The following PRKG2 variants were observed in gnomAD, a reference collection of about 807,000 sequenced individuals.
PRKG2 encodes the protein cGMP-dependent protein kinase 2.
PRKG2 carries 33 observed loss-of-function variants against 97.2 expected under a neutral mutation model. That is an observed-to-expected ratio of 0.34 (90% CI 0.26 to 0.45). PRKG2 has a LOEUF of 0.45. Ranked by LOEUF, PRKG2 falls within the 20% of genes least tolerant of loss-of-function variation. The pLI is 1.00. For synonymous variants in PRKG2, 330 were observed against 321.8 expected (o/e 1.03, Z -0.27); for missense variants, 638 against 900.0 (o/e 0.71, Z 3.73).
intron 18 of PRKG2, among the ~76,000 whole-genome samples, chr4:81,091,830 C>T (rs757509714): frequency 1.3e-5 from 2 of 152,152 alleles, no homozygotes; most frequent in Admixed American, 1.3e-4. Flanking sequence ...TATCCAATAA[C>T]AAAACCATTA....
chr4:81,089,739 T>C lies in PRKG2; in HGVS notation c.2258A>G (p.Asp753Gly). 2 of 1,613,058 alleles carry C rather than the reference T, an allele frequency of 1.2e-6. No homozygotes were observed. Among genetic ancestry groups the C allele is most frequent in the Non-Finnish European group, 1.7e-6 (2 of 1,179,014 alleles). Residue 753 changes from aspartate (D) to glycine (G), a missense_variant, in exon 19 of 19, where the codon GAT (aspartate) becomes GGT (glycine). This residue lies in a region of PRKG2 where 304 missense variants were observed against 460.5 expected (regional missense o/e 0.66). Transcript: ENST00000264399. ...GTCTTTATCCCAGCCTGATAGCTCA[T>C]CTGGAGGCATTCCCTTTTCAGGAGG... is the stretch of plus-strand genomic sequence containing the variant. ...KYPPEKGMPPDELSGWDKDF is the reference protein window; with the variant it reads ...KYPPEKGMPPGELSGWDKDF
intron 6 of PRKG2, among the ~76,000 whole-genome samples, chr4:81,157,935 T>A (rs1216812023): frequency 6.8e-6 from 1 of 147,508 alleles, no homozygotes; most frequent in East Asian, 1.9e-4. Context: ...TATCTCAAAA[T>A]AATAAGAGCT....
At chr4:81,215,503 G>C (rs1056898158), upstream of PRKG2, among the ~76,000 whole-genome samples, 1 of 152,082 alleles carries the variant, frequency 6.6e-6, no homozygotes, top group African/African-American at 2.4e-5. Context: ...GGGACGAGGG[G>C]AGAGGAAAGT....
At chr4:81,187,261 A>G (rs1019230549) in intron 2 of PRKG2, among the ~76,000 whole-genome samples, 1 of 152,262 alleles carries the variant, frequency 6.6e-6, no homozygotes, top group Non-Finnish European at 1.5e-5. Flanking sequence ...GCAGCACATC[A>G]AAAAGCTTAT....
At chr4:81,195,800 G>A (rs1327506520) in intron 2 of PRKG2, among the ~76,000 whole-genome samples, 1 of 152,076 alleles carries the variant, frequency 6.6e-6, no homozygotes, top group African/African-American at 2.4e-5. Context: ...TCTGCTTTTT[G>A]GCTACTATGA....
intron 7 of PRKG2, 130 bp downstream of exon 7, chr4:81,153,514 C>A: frequency 1.5e-6 from 1 of 660,730 alleles, no homozygotes; most frequent in Non-Finnish European, 2.5e-6. Flanking sequence ...TTGCATGGGA[C>A]TCTACTGGTA....
chr4:81,206,822 G>C (rs1484623976), intron 1 of PRKG2, among the ~76,000 whole-genome samples: 1 of 152,204 alleles, frequency 6.6e-6, no homozygotes, highest in Non-Finnish European at 1.5e-5. Context: ...ACAGCATCTA[G>C]ATTTCAAACA....
intron 8 of PRKG2, among the ~76,000 whole-genome samples, chr4:81,149,397 A>G (rs1435315834): frequency 1.3e-5 from 2 of 152,210 alleles, no homozygotes; most frequent in Admixed American, 1.3e-4. Context: ...AAGTAGTTTC[A>G]GTGCCATATC....
chr4:81,145,957 TTACC>T (rs975460669), intron 9 of PRKG2, among the ~76,000 whole-genome samples: 3 of 152,148 alleles, frequency 2.0e-5, no homozygotes, highest in African/African-American at 7.2e-5. Context: ...TAAGCACATA[TTACC>T]TACTGTGCAG....
intron 14 of PRKG2, among the ~76,000 whole-genome samples, chr4:81,121,526 C>T (rs770850776): frequency 6.6e-6 from 1 of 152,102 alleles, no homozygotes; most frequent in Non-Finnish European, 1.5e-5. Flanking sequence ...TGACTTTTGA[C>T]AGATTGTGTC....
intron 9 of PRKG2, among the ~76,000 whole-genome samples, chr4:81,148,000 T>C (rs1388139347): frequency 6.6e-6 from 1 of 152,162 alleles, no homozygotes; most frequent in African/African-American, 2.4e-5. Context: ...TATGGGTTCA[T>C]GATACCATTC....
Position 81,206,765 on chromosome 4 carries a change from T to TA in PRKG2, c.-13-1706dup, listed in dbSNP as rs1753697542. On this transcript the variant is annotated intron_variant, in intron 1 of 18. Transcript: ENST00000264399. ...AGTTTTTTCACTAGTTCTACCAGAATAACTGTGACCTCTACAACAACAAAG... is the reference window on the plus strand; with the variant it reads ...AGTTTTTTCACTAGTTCTACCAGAATAAACTGTGACCTCTACAACAACAAAG... Among the ~76,000 whole-genome samples, 9 of 152,182 alleles carry TA rather than the reference T, an allele frequency of 5.9e-5. No individual in the cohort carries two copies. The South Asian group carries it at 1.9e-3, about 32-fold the overall frequency.
At position 81,153,710 on chromosome 4, in the gene PRKG2, G is replaced by A; in HGVS notation, c.924C>T (p.Asp308=). ...CCTCTCTAATGATGTAATCTCCTTT[G>A]TCATAGTATTCCTGTTGGGATGAGA... is the stretch of plus-strand genomic sequence containing the variant. The part of the protein sequence containing the change: ...IIDCLEVEYY[D]KGDYIIREGE... The change falls in exon 7 of 19, where the codon GAC becomes GAT. Residue 308 remains aspartate, a synonymous_variant. Transcript: ENST00000264399. 6.2e-7 allele frequency: 1 copy of A among 1,605,498 alleles called. No homozygotes were observed. The highest frequency in any genetic ancestry group is 8.5e-7 in the Non-Finnish European group (1 of 1,172,338).
intron 2 of PRKG2, among the ~76,000 whole-genome samples, chr4:81,176,510 C>T (rs1175745596): frequency 6.6e-6 from 1 of 152,132 alleles, no homozygotes. Context: ...TCTCTTAGTA[C>T]AACTGGTAGA....
chr4:81,200,314 A>T (rs1753223700), intron 2 of PRKG2, among the ~76,000 whole-genome samples: 1 of 152,178 alleles, frequency 6.6e-6, no homozygotes, highest in African/African-American at 2.4e-5. Context: ...CCCTCCATAT[A>T]TGCCACAGTT....
At chr4:81,212,966 T>C (rs1375594538) in intron 1 of PRKG2, among the ~76,000 whole-genome samples, 2 of 152,184 alleles carry the variant, frequency 1.3e-5, no homozygotes, top group Non-Finnish European at 2.9e-5. Context: ...GATTTCAATG[T>C]TTTGATCTTA....
chr4:81,181,575 C>G (rs1380115440), intron 2 of PRKG2, among the ~76,000 whole-genome samples: 1 of 151,498 alleles, frequency 6.6e-6, no homozygotes, highest in Non-Finnish European at 1.5e-5. Flanking sequence ...AGAATCAACA[C>G]AGCCCAAAAT....
At chr4:81,213,758 G>A (rs986980401) in intron 1 of PRKG2, among the ~76,000 whole-genome samples, 2 of 152,198 alleles carry the variant, frequency 1.3e-5, no homozygotes, top group African/African-American at 4.8e-5. Context: ...GGGATCACAG[G>A]ACTTGGGCAA....
chr4:81,089,892 T>A, intron 18 of PRKG2, 89 bp from the exon 19 acceptor site: 1 of 1,079,668 alleles, frequency 9.3e-7, no homozygotes, highest in Non-Finnish European at 1.4e-6. Flanking sequence ...TTCAGAACAC[T>A]GATTTCATAC....
Sources: allele counts gnomAD v4.1 joint callset (sites outside exome capture counted in the v4.1 genomes callset), GRCh38; gene constraint gnomAD v4.1.1; regional missense constraint gnomAD v4.1.1; transcripts MANE v1.5; gene names NCBI Gene and HGNC (gene_info 2026-07-23, HGNC 2026-07-21).